Variants in MEIS1 observed in about 807,000 individuals in gnomAD.
MEIS1 encodes the protein Meis homeobox 1.
A neutral mutation model predicts 50.8 loss-of-function variants in MEIS1; 5 were observed. The ratio of observed to expected loss-of-function variants is 0.10; its 90% CI spans 0.05 to 0.21. The LOEUF (loss-of-function observed/expected upper bound fraction) is 0.21, where lower values mean the gene tolerates loss of function less well. Ranked by LOEUF, MEIS1 falls within the 10% of genes least tolerant of loss-of-function variation. The probability of loss-of-function intolerance (pLI) is 1.00; values close to 1 mark genes in which losing one functional copy is unlikely to be tolerated. For synonymous variants in MEIS1, 176 were observed against 179.3 expected, an observed-to-expected ratio of 0.98 and a Z score of 0.15; for missense variants, 318 against 517.3, an observed-to-expected ratio of 0.61 and a Z score of 3.74.
intron 7 of MEIS1, among the ~76,000 whole-genome samples, chr2:66,480,910 T>G (rs1458283590): frequency 6.6e-6 from 1 of 152,110 alleles, no homozygotes; most frequent in Non-Finnish European, 1.5e-5. Context: ...TGATGTCCAT[T>G]ACTTGGAGAA....
intron 7 of MEIS1, among the ~76,000 whole-genome samples, chr2:66,510,118 T>C (rs796556850): frequency 3.3e-5 from 5 of 152,354 alleles, no homozygotes; most frequent in African/African-American, 1.2e-4. Context: ...GATTAGCCCA[T>C]TGAAAATTTA....
chr2:66,552,839 GTTAAAA>G (rs969777267), intron 9 of MEIS1, among the ~76,000 whole-genome samples: 4 of 152,160 alleles, frequency 2.6e-5, no homozygotes, highest in African/African-American at 9.7e-5. Flanking sequence ...AGATGTAAAT[GTTAAAA>G]CATTCACAAA....
At chr2:66,517,046 C>T (rs969360515) in intron 8 of MEIS1, among the ~76,000 whole-genome samples, 20 of 152,222 alleles carry the variant, frequency 1.3e-4, no homozygotes, top group African/African-American at 4.6e-4. Flanking sequence ...CTCCTCTCCT[C>T]CCATTTCTAT....
intron 6 of MEIS1, among the ~76,000 whole-genome samples, chr2:66,450,578 T>C (rs1392318246): frequency 6.6e-6 from 1 of 152,232 alleles, no homozygotes; most frequent in Admixed American, 6.5e-5. Flanking sequence ...GCAACTGTTA[T>C]AGTTGTGCTG....
intron 6 of MEIS1, among the ~76,000 whole-genome samples, chr2:66,457,190 A>G (rs954894385): frequency 2.0e-5 from 3 of 148,198 alleles, no homozygotes; most frequent in Non-Finnish European, 4.5e-5. Context: ...AGAAATCCAC[A>G]TAACTTTTTT....
rs1254928076 is a variant in MEIS1, at chr2:66,474,764, A to G, written c.742+10544A>G. Among the ~76,000 whole-genome samples, 5 of 152,158 alleles carry G rather than the reference A, an allele frequency of 3.3e-5. No homozygotes were observed. In the East Asian group the frequency reaches 5.8e-4, roughly 18 times the overall value. ...TAGTTTGGCTTTCTCCCTCTTACCA[A>G]TATCAATTCATATGCATTCCCTCCT... On this transcript the variant is annotated intron_variant, in intron 7 of 12. Coordinates refer to ENST00000272369, the MANE Select transcript of MEIS1 (RefSeq NM_002398.3).
At chr2:66,455,590 A>G (rs1308577373) in intron 6 of MEIS1, among the ~76,000 whole-genome samples, 1 of 152,202 alleles carries the variant, frequency 6.6e-6, no homozygotes, top group Non-Finnish European at 1.5e-5. Context: ...GTGGAGACCT[A>G]AAAGACACCA....
intron 8 of MEIS1, among the ~76,000 whole-genome samples, chr2:66,519,569 T>A (rs1207014778): frequency 6.6e-6 from 1 of 152,142 alleles, no homozygotes; most frequent in African/African-American, 2.4e-5. Flanking sequence ...GATGAAAGGG[T>A]TATGCTACGC....
intron 8 of MEIS1, among the ~76,000 whole-genome samples, chr2:66,544,582 A>G (rs746834886): frequency 2.0e-5 from 3 of 152,134 alleles, no homozygotes; most frequent in Non-Finnish European, 4.4e-5. Flanking sequence ...TCCTCTTAAC[A>G]ATGGCCAGAT....
At chr2:66,453,961 T>C (rs1488313384) in intron 6 of MEIS1, among the ~76,000 whole-genome samples, 1 of 152,020 alleles carries the variant, frequency 6.6e-6, no homozygotes, top group African/African-American at 2.4e-5. Flanking sequence ...ACACATCCTT[T>C]CAGGAAGGTG....
chr2:66,447,666 T>C (rs1359637304), intron 6 of MEIS1, among the ~76,000 whole-genome samples: 2 of 152,206 alleles, frequency 1.3e-5, no homozygotes, highest in African/African-American at 4.8e-5. Context: ...AGTAGGGATG[T>C]ATTGATTCTT....
chr2:66,501,787 A>G (rs1366611779), intron 7 of MEIS1, among the ~76,000 whole-genome samples: 1 of 152,192 alleles, frequency 6.6e-6, no homozygotes, highest in East Asian at 1.9e-4. Flanking sequence ...ACAAACTCCA[A>G]CGGACAATTC....
chr2:66,465,868 TAGG>T (rs1672622747), intron 7 of MEIS1, among the ~76,000 whole-genome samples: 1 of 152,324 alleles, frequency 6.6e-6, no homozygotes, highest in African/African-American at 2.4e-5. Context: ...AACAAGGAAT[TAGG>T]AGTGTTGTAT....
At chr2:66,570,992 T>C in intron 12 of MEIS1, 1 of 424,414 alleles carries the variant, frequency 2.4e-6, no homozygotes, top group East Asian at 5.1e-5. Flanking sequence ...AATTTTATTC[T>C]TTTTAATAAA....
At chr2:66,529,894 CTACT>C (rs900050791) in intron 8 of MEIS1, among the ~76,000 whole-genome samples, 14 of 152,166 alleles carry the variant, frequency 9.2e-5, no homozygotes, top group African/African-American at 3.1e-4. Flanking sequence ...AATGCATAGC[CTACT>C]TACTTACTTA....
At chr2:66,476,673 C>A (rs1672900076) in intron 7 of MEIS1, among the ~76,000 whole-genome samples, 1 of 152,150 alleles carries the variant, frequency 6.6e-6, no homozygotes, top group Non-Finnish European at 1.5e-5. Flanking sequence ...CTCTCTCTAG[C>A]CTTTCCATGG....
At chr2:66,458,021 C>T (rs1006570333) in intron 6 of MEIS1, among the ~76,000 whole-genome samples, 3 of 152,168 alleles carry the variant, frequency 2.0e-5, no homozygotes, top group Admixed American at 1.3e-4. Context: ...TGCAGACTGA[C>T]TTCGAATTTT....
chr2:66,517,695 T>C (rs545780295), intron 8 of MEIS1, among the ~76,000 whole-genome samples: 1 of 152,270 alleles, frequency 6.6e-6, no homozygotes, highest in East Asian at 1.9e-4. Context: ...ATCATCAGTC[T>C]GGGGAGGGAA....
At chr2:66,517,077 T>C (rs1673988800) in intron 8 of MEIS1, among the ~76,000 whole-genome samples, 1 of 152,158 alleles carries the variant, frequency 6.6e-6, no homozygotes, top group Non-Finnish European at 1.5e-5. Flanking sequence ...TGCCCACCTC[T>C]GTACTCTGCC....
Sources: allele counts gnomAD v4.1 joint callset (sites outside exome capture counted in the v4.1 genomes callset), GRCh38; gene constraint gnomAD v4.1.1; transcripts MANE v1.5; gene names NCBI Gene and HGNC (gene_info 2026-07-23, HGNC 2026-07-21).